Variants in SAMHD1 observed in about 807,000 individuals in gnomAD.
The protein encoded by SAMHD1 is SAM and HD domain containing deoxynucleoside triphosphate triphosphohydrolase 1.
In SAMHD1, 54 loss-of-function variants were observed where a neutral mutation model predicts 79.6. The observed-to-expected ratio is 0.68, with a 90% CI of 0.55 to 0.85. The LOEUF is 0.85. SAMHD1 is among the 40% of genes least tolerant of loss of function. The probability of loss-of-function intolerance (pLI) is 0.00; values close to 1 mark genes in which losing one functional copy is unlikely to be tolerated. For missense variants in SAMHD1, 663 were observed against 782.7 expected, an observed-to-expected ratio of 0.85 and a Z score of 1.82; for synonymous variants, 260 against 264.1, an observed-to-expected ratio of 0.98 and a Z score of 0.15.
At chr20:36,889,909 ATG>A (rs145364344), downstream of SAMHD1, 90 of 150,388 alleles carry the variant, frequency 6.0e-4, no homozygotes, top group East Asian at 8.4e-3. Flanking sequence ...TGTTCCATGA[ATG>A]TGTGTGTGTG....
intron 6 of SAMHD1, among the ~76,000 whole-genome samples, chr20:36,922,446 G>A (rs1250099436): frequency 6.6e-6 from 1 of 152,154 alleles, no homozygotes; most frequent in African/African-American, 2.4e-5. Flanking sequence ...GAGCTCAGTG[G>A]CATATTCATA....
At chr20:36,930,448 A>T (rs1348177109) in intron 5 of SAMHD1, among the ~76,000 whole-genome samples, 1 of 152,124 alleles carries the variant, frequency 6.6e-6, no homozygotes, top group Non-Finnish European at 1.5e-5. Context: ...GTGAACCGAT[A>T]ATGAGCCACT....
rs2063690014 is a variant in SAMHD1, at chr20:36,946,879, A to G, written c.209-75T>C. The stretch of plus-strand genomic sequence containing the variant: ...TTTCTTTCAATTTGGATACACCAAC[A>G]TTTACCCAGATCCACATAAGTGAGT... On this transcript the variant is annotated intron_variant, in intron 1 of 15. Transcript: ENST00000646673. The G allele has an allele frequency of 2.5e-6, 3 of 1,182,698 alleles. No individual in the cohort carries two copies. In the African/African-American group the frequency reaches 4.5e-5, roughly 18 times the overall value. 73.3% of individuals were successfully genotyped at this position (1,182,698 alleles called of 1,614,324 possible).
Position 36,935,040 on chromosome 20 carries a change from C to G in SAMHD1, c.498G>C (p.Glu166Asp), listed in dbSNP as rs2063594220. Residue 166 changes from glutamate to aspartate, a missense_variant, in exon 4 of 16, where the codon GAG (glutamate) becomes GAC (aspartate). Coordinates refer to ENST00000646673, the MANE Select transcript of SAMHD1 (RefSeq NM_015474.4). ...CATTCCCTTCTTACCCTAGACTATGCTCAAATCGATTGTGTGAAGCTCCTG... is the reference window on the plus strand; with the variant it reads ...CATTCCCTTCTTACCCTAGACTATGGTCAAATCGATTGTGTGAAGCTCCTG... ...VFPGASHNRF[E>D]HSLGVGYLAG... 6.2e-7 allele frequency: 1 copy of G among 1,613,926 alleles called. No homozygotes were observed. The highest frequency in any genetic ancestry group is 1.3e-5 in the African/African-American group (1 of 74,882).
chr20:36,912,404 T>C, intron 10 of SAMHD1, 57 bp downstream of exon 10: 1 of 1,032,860 alleles, frequency 9.7e-7, no homozygotes, highest in Non-Finnish European at 1.5e-6. Flanking sequence ...CCTAGTATGA[T>C]ACTCTAGCCA....
chr20:36,934,787 T>G, intron 4 of SAMHD1: 1 of 405,430 alleles, frequency 2.5e-6, no homozygotes, highest in Non-Finnish European at 4.7e-6. Context: ...GCCTCCTGAG[T>G]AGCTAGGATT....
chr20:36,909,421 C>A (rs894550204), intron 11 of SAMHD1, among the ~76,000 whole-genome samples: 1 of 151,842 alleles, frequency 6.6e-6, no homozygotes, highest in Non-Finnish European at 1.5e-5. Flanking sequence ...GTAATGCCAG[C>A]GCTTTGGGAG....
At chr20:36,940,824 A>G (rs1343579688) in intron 3 of SAMHD1, 1 of 592,392 alleles carries the variant, frequency 1.7e-6, no homozygotes, top group African/African-American at 1.9e-5. Context: ...TGGTCTACTT[A>G]TGCTTTTCTG....
chr20:36,917,249 T>G, intron 7 of SAMHD1, 200 bp from the exon 8 acceptor site: 1 of 584,850 alleles, frequency 1.7e-6, no homozygotes, highest in Non-Finnish European at 3.0e-6. Context: ...CTAAGGTATA[T>G]GATACCCTAT....
chr20:36,911,584 G>A (rs1467215536), intron 10 of SAMHD1: 5 of 430,496 alleles, frequency 1.2e-5, no homozygotes, highest in South Asian at 1.0e-4. Flanking sequence ...TAAGGTAGGT[G>A]TATTCAGCCC....
intron 2 of SAMHD1, among the ~76,000 whole-genome samples, chr20:36,942,045 C>A (rs1160211217): frequency 6.6e-6 from 1 of 152,116 alleles, no homozygotes; most frequent in East Asian, 1.9e-4. Flanking sequence ...GGAGTCATAG[C>A]ATAAAATATC....
intron 13 of SAMHD1, among the ~76,000 whole-genome samples, chr20:36,899,129 T>G (rs943223751): frequency 1.3e-5 from 2 of 151,374 alleles, no homozygotes; most frequent in Non-Finnish European, 2.9e-5. Context: ...CAGACACAGA[T>G]AGACACTAGA....
intron 1 of SAMHD1, among the ~76,000 whole-genome samples, chr20:36,949,563 T>C (rs2063718944): frequency 6.6e-6 from 1 of 151,002 alleles, no homozygotes; most frequent in Admixed American, 6.6e-5. Context: ...GAGACCATCC[T>C]GGCCAACATG....
chr20:36,928,399 A>G (rs532871813), intron 5 of SAMHD1, among the ~76,000 whole-genome samples: 79 of 135,466 alleles, frequency 5.8e-4, no homozygotes, highest in African/African-American at 2.2e-3. Context: ...AAAAGAAAAA[A>G]AAAGGGGCTG....
intron 6 of SAMHD1, among the ~76,000 whole-genome samples, chr20:36,925,061 C>T (rs2063528098): frequency 6.7e-6 from 1 of 150,176 alleles, no homozygotes; most frequent in Non-Finnish European, 1.5e-5. Context: ...GAGGCTGAGG[C>T]AGGAGACTCG....
intron 11 of SAMHD1, among the ~76,000 whole-genome samples, chr20:36,908,328 G>A (rs1463991119): frequency 2.6e-5 from 4 of 151,180 alleles, no homozygotes; most frequent in East Asian, 2.0e-4. Context: ...CTGCAACCCC[G>A]GCCTCCTGGG....
At chr20:36,935,226 T>C (rs1435596817) in intron 3 of SAMHD1, 37 bp from the exon 4 acceptor site, 3 of 1,550,094 alleles carry the variant, frequency 1.9e-6, no homozygotes, top group Non-Finnish European at 2.7e-6. Flanking sequence ...AATAACGACA[T>C]GTAAGTCCAA....
rs1427081039 is a variant in SAMHD1 at position 36,905,409 on chromosome 20, C to T, written c.1365G>A (p.Lys455=). 2 of 1,613,846 alleles carry T rather than the reference C, an allele frequency of 1.2e-6. No homozygotes were observed. The highest frequency in any genetic ancestry group is 4.5e-5 in the East Asian group (2 of 44,868). The change falls in exon 12 of 16, where the codon AAG becomes AAA. Residue 455 remains lysine, a synonymous_variant. Coordinates refer to ENST00000646673, the MANE Select transcript of SAMHD1 (RefSeq NM_015474.4). ...CTGTTGGCTGCGTCTCACCCACATA[C>T]TTGAATAGATTACGGTATTCAATTT... The part of the protein sequence containing the change: ...LKQIEYRNLF[K]YVGETQPTGQ...
intron 2 of SAMHD1, among the ~76,000 whole-genome samples, 173 bp from the exon 3 acceptor site, chr20:36,941,284 T>A (rs1486149360): frequency 6.6e-6 from 1 of 152,158 alleles, no homozygotes; most frequent in East Asian, 1.9e-4. Flanking sequence ...TCCTTTGCTG[T>A]TAAGATAGGG....
Sources: allele counts gnomAD v4.1 joint callset (sites outside exome capture counted in the v4.1 genomes callset), GRCh38; gene constraint gnomAD v4.1.1; transcripts MANE v1.5; gene names NCBI Gene and HGNC (gene_info 2026-07-23, HGNC 2026-07-21).